Variants in GSE1 observed in about 807,000 individuals in gnomAD.
GSE1 encodes genetic suppressor element 1.
A neutral mutation model predicts 112.6 loss-of-function variants in GSE1; 32 were observed. The ratio of observed to expected loss-of-function variants is 0.28; its 90% CI spans 0.21 to 0.38. The LOEUF is 0.38. Ranked by LOEUF, GSE1 falls within the 10% of genes least tolerant of loss-of-function variation. The probability of loss-of-function intolerance (pLI) is 1.00; values close to 1 mark genes in which losing one functional copy is unlikely to be tolerated. For synonymous variants in GSE1, 1,115 were observed against 735.6 expected (o/e 1.52, Z -8.35); for missense variants, 2,348 against 1,699.2 (o/e 1.38, Z -6.71).
At position 85,419,732 on chromosome 16, in the gene GSE1, A is replaced by C. The variant is rs1195240111; in HGVS notation, c.2464+62089A>C. ...CGTTGGAATCAGCTGGGGATCTCTA[A>C]AAACCCCTCTGATGCCTGCCTCCCC... On this transcript the variant is annotated intron_variant, in intron 2 of 2. Coordinates refer to the GSE1 transcript ENST00000637419. The surrounding 1 kb of genome is among the most constrained non-coding windows in gnomAD (Gnocchi z 6.5). 6.6e-6 allele frequency among the ~76,000 whole-genome samples: 1 copy of C among 152,120 alleles called. No homozygotes were observed. Among genetic ancestry groups the C allele is most frequent in the South Asian group, 2.1e-4 (1 of 4,822 alleles).
At chr16:85,407,396 AG>A (rs201128511) in intron 2 of GSE1, among the ~76,000 whole-genome samples, 1 of 12,952 alleles carries the variant, frequency 7.7e-5, no homozygotes, top group Non-Finnish European at 1.2e-4. Context: ...TGTTACACTC[AG>A]GGCCCCCCTG....
chr16:85,186,384 C>T (rs1197535169), intron 1 of GSE1, among the ~76,000 whole-genome samples: 1 of 152,064 alleles, frequency 6.6e-6, no homozygotes, highest in African/African-American at 2.4e-5. Flanking sequence ...GCAGGTGGAT[C>T]ATGAGGTCAG....
upstream of GSE1, among the ~76,000 whole-genome samples, chr16:85,612,631 C>G (rs1327781487): frequency 6.7e-6 from 1 of 150,314 alleles, no homozygotes. Flanking sequence ...GGGTGGGGTG[C>G]CTTATGGAAT....
intron 2 of GSE1, among the ~76,000 whole-genome samples, chr16:85,447,291 A>C (rs1033656581): frequency 1.3e-5 from 2 of 152,160 alleles, no homozygotes; most frequent in African/African-American, 4.8e-5. Context: ...GGCTACTCTG[A>C]GGCCCCAGTG....
chr16:85,383,840 T>C (rs1284107016), intron 2 of GSE1, among the ~76,000 whole-genome samples: 3 of 152,190 alleles, frequency 2.0e-5, no homozygotes, highest in Non-Finnish European at 4.4e-5. Context: ...CACAGACCTC[T>C]TTCCTACAGA....
intron 1 of GSE1, among the ~76,000 whole-genome samples, chr16:85,631,478 C>T (rs1310448638): frequency 6.6e-6 from 1 of 152,248 alleles, no homozygotes; most frequent in Non-Finnish European, 1.5e-5. Context: ...CAGCTTGACA[C>T]CATGTGCCCT....
At chr16:85,308,194 A>G (rs571265293) in intron 1 of GSE1, among the ~76,000 whole-genome samples, 3 of 152,150 alleles carry the variant, frequency 2.0e-5, no homozygotes, top group Non-Finnish European at 4.4e-5. Flanking sequence ...TGAATTCCAA[A>G]GAGACATCTA....
At chr16:85,432,922 C>T (rs1164257898) in intron 2 of GSE1, among the ~76,000 whole-genome samples, 3 of 152,104 alleles carry the variant, frequency 2.0e-5, no homozygotes, top group African/African-American at 4.8e-5. Context: ...CCAGGACTTA[C>T]TGGGGTGGCA....
At chr16:85,585,158 G>A (rs139369879) in intron 1 of GSE1, among the ~76,000 whole-genome samples, 4 of 152,308 alleles carry the variant, frequency 2.6e-5, no homozygotes, top group Non-Finnish European at 4.4e-5. Context: ...TGTCTCTGGC[G>A]AGGCCACAGA....
intron 1 of GSE1, among the ~76,000 whole-genome samples, chr16:85,206,341 C>T (rs2143606507): frequency 6.6e-6 from 1 of 152,300 alleles, no homozygotes; most frequent in South Asian, 2.1e-4. Context: ...AGGGTCTCAG[C>T]TGGGGATGGC....
At chr16:85,427,949 A>T in intron 2 of GSE1, among the ~76,000 whole-genome samples, 1 of 152,248 alleles carries the variant, frequency 6.6e-6, no homozygotes, top group East Asian at 1.9e-4. Context: ...TTTTTGTCCT[A>T]AATCTTCAAA....
upstream of GSE1, chr16:85,554,917 C>G: frequency 1.0e-6 from 1 of 985,418 alleles, no homozygotes; most frequent in Non-Finnish European, 1.2e-6. Flanking sequence ...GGGGAGCACC[C>G]TGCCTTCGGC....
intron 2 of GSE1, among the ~76,000 whole-genome samples, chr16:85,439,006 C>T (rs901804303): frequency 2.6e-5 from 4 of 152,334 alleles, no homozygotes; most frequent in East Asian, 1.9e-4. Flanking sequence ...GAGTCAACCT[C>T]CCCACACGGT....
chr16:85,432,379 C>T (rs775877414), intron 2 of GSE1, among the ~76,000 whole-genome samples: 9 of 152,210 alleles, frequency 5.9e-5, no homozygotes, highest in Non-Finnish European at 1.0e-4. Context: ...TTCTCAGTAG[C>T]GTTCACTTCA....
At chr16:85,636,541 T>C (rs1393574089) in intron 2 of GSE1, among the ~76,000 whole-genome samples, 2 of 152,154 alleles carry the variant, frequency 1.3e-5, no homozygotes, top group Non-Finnish European at 2.9e-5. Flanking sequence ...GACCCTGACC[T>C]CACGTTTCCC....
Position 85,248,333 on chromosome 16 carries a change from T to C in GSE1, c.2283+76526T>C, listed in dbSNP as rs183512454. On this transcript the variant is annotated intron_variant, in intron 1 of 2. Transcript: ENST00000637419. Reference sequence around the variant, plus strand: ...TTCTGGGTCCTTCTGTGTCCTGTGCTGCCATCCTCAGTAGCTCTGTCTTTC... The same window carrying C: ...TTCTGGGTCCTTCTGTGTCCTGTGCCGCCATCCTCAGTAGCTCTGTCTTTC... Among the ~76,000 whole-genome samples, 4 of 152,324 alleles carry C rather than the reference T, an allele frequency of 2.6e-5. 1 individual carries two copies. The East Asian group carries it at 7.7e-4, about 29-fold the overall frequency.
At chr16:85,497,061 G>A (rs1321765838) in intron 2 of GSE1, among the ~76,000 whole-genome samples, 2 of 152,108 alleles carry the variant, frequency 1.3e-5, no homozygotes, top group East Asian at 1.9e-4. Flanking sequence ...ACCACGCCCC[G>A]CTAAGTTTTG....
At chr16:85,499,349 C>T (rs139080398) in intron 2 of GSE1, among the ~76,000 whole-genome samples, 7,037 of 121,772 alleles carry the variant, frequency 0.058, 289 homozygotes, top group South Asian at 0.083. Context: ...CTCACTCAGT[C>T]GCCTAGGCCG....
intron 1 of GSE1, among the ~76,000 whole-genome samples, chr16:85,622,549 C>T (rs139718028): frequency 2.1e-4 from 32 of 152,276 alleles, no homozygotes; most frequent in African/African-American, 7.2e-4. Context: ...ATAGGCTCTT[C>T]GAACTTGGTA....
Sources: allele counts gnomAD v4.1 joint callset (sites outside exome capture counted in the v4.1 genomes callset), GRCh38; gene constraint gnomAD v4.1.1; non-coding constraint Gnocchi (gnomAD v3.1); transcripts MANE v1.5; gene names NCBI Gene and HGNC (gene_info 2026-07-23, HGNC 2026-07-21).